GGACT: variants seen among roughly 807,000 people sequenced by gnomAD.
GGACT encodes the protein gamma-glutamylamine cyclotransferase, also known as gamma-glutamylaminecyclotransferase.
For missense variants in GGACT, 241 were observed against 233.2 expected (o/e 1.03, Z -0.22); for synonymous variants, 118 against 115.3 (o/e 1.02, Z -0.15).
intron 2 of GGACT, among the ~76,000 whole-genome samples, chr13:100,562,715 G>C (rs190715881): frequency 1.3e-5 from 2 of 151,410 alleles, no homozygotes; most frequent in Non-Finnish European, 2.9e-5. Flanking sequence ...AGAATCACTT[G>C]AACCCAGGAG....
chr13:100,575,805 A>G (rs1179402118), intron 2 of GGACT, among the ~76,000 whole-genome samples: 1 of 152,186 alleles, frequency 6.6e-6, no homozygotes, highest in Non-Finnish European at 1.5e-5. Flanking sequence ...CTACAGTTAA[A>G]GGGCATTCAA....
chr13:100,583,301 G>A (rs1875470753), intron 2 of GGACT, among the ~76,000 whole-genome samples: 1 of 152,152 alleles, frequency 6.6e-6, no homozygotes, highest in South Asian at 2.1e-4. Context: ...ATAAAGGGGA[G>A]ATCGATATTT....
At chr13:100,586,835 G>A (rs1875592653) in intron 1 of GGACT, 1 of 152,286 alleles carries the variant, frequency 6.6e-6, no homozygotes, top group Non-Finnish European at 1.5e-5. Flanking sequence ...GTATCACGAT[G>A]CCTTTTACGG....
intron 1 of GGACT, among the ~76,000 whole-genome samples, chr13:100,585,229 C>G (rs1001758202): frequency 1.2e-4 from 19 of 152,236 alleles, no homozygotes; most frequent in Admixed American, 2.0e-4. Context: ...CTGCTCTAGA[C>G]TTGGGTCGGC....
At chr13:100,551,792 ATGATTATACT>A (rs1456727556) in intron 2 of GGACT, among the ~76,000 whole-genome samples, 2 of 152,218 alleles carry the variant, frequency 1.3e-5, no homozygotes, top group African/African-American at 4.8e-5. Context: ...TAATATAACA[ATGATTATACT>A]TATTTTCAGG....
intron 2 of GGACT, among the ~76,000 whole-genome samples, chr13:100,546,310 C>G (rs919968342): frequency 7.0e-6 from 1 of 142,772 alleles, no homozygotes; most frequent in Admixed American, 7.4e-5. Flanking sequence ...TGCAGTAAGC[C>G]GAGATGGCGC....
chr13:100,582,851 A>G (rs1396051725), intron 2 of GGACT, among the ~76,000 whole-genome samples: 1 of 152,202 alleles, frequency 6.6e-6, no homozygotes, highest in Non-Finnish European at 1.5e-5. Flanking sequence ...CCATGATGCT[A>G]ATATTTGTCT....
chr13:100,541,695 C>T (rs977109183), intron 2 of GGACT: 6 of 152,066 alleles, frequency 3.9e-5, no homozygotes, highest in East Asian at 1.9e-4. Flanking sequence ...GGTGATATTA[C>T]GTAGAAATGA....
intron 2 of GGACT, among the ~76,000 whole-genome samples, chr13:100,565,557 G>A (rs2088803354): frequency 6.6e-6 from 1 of 152,150 alleles, no homozygotes; most frequent in African/African-American, 2.4e-5. Context: ...GCAGAAGCTG[G>A]TTTCTAACCA....
intron 2 of GGACT, among the ~76,000 whole-genome samples, chr13:100,577,334 T>C (rs1875276704): frequency 6.6e-6 from 1 of 151,738 alleles, no homozygotes; most frequent in Non-Finnish European, 1.5e-5. Context: ...GAGAATCACT[T>C]GAACCCAAGA....
chr13:100,565,162 T>C (rs923520505), intron 2 of GGACT, among the ~76,000 whole-genome samples: 3 of 152,206 alleles, frequency 2.0e-5, no homozygotes, highest in African/African-American at 7.2e-5. Context: ...TTAGAGCGGC[T>C]TGGTGAGATG....
chr13:100,574,865 A>G (rs953733151), intron 2 of GGACT, among the ~76,000 whole-genome samples: 3 of 151,996 alleles, frequency 2.0e-5, no homozygotes, highest in African/African-American at 7.3e-5. Context: ...TATAAATCAT[A>G]CTTATGTGTA....
At chr13:100,560,944 C>T (rs2088753917) in intron 2 of GGACT, among the ~76,000 whole-genome samples, 1 of 152,194 alleles carries the variant, frequency 6.6e-6, no homozygotes, top group Non-Finnish European at 1.5e-5. Context: ...CTGCGCACCC[C>T]GCATCTCCTC....
chr13:100,587,991 A>C (rs1041588809), intron 1 of GGACT, among the ~76,000 whole-genome samples: 1 of 152,190 alleles, frequency 6.6e-6, no homozygotes, highest in Non-Finnish European at 1.5e-5. Flanking sequence ...GCGCCACTGC[A>C]CTCCAGCCTG....
intron 2 of GGACT, among the ~76,000 whole-genome samples, chr13:100,552,801 C>T (rs1358951530): frequency 1.3e-5 from 2 of 152,134 alleles, no homozygotes; most frequent in African/African-American, 2.4e-5. Flanking sequence ...AGTCCTTGTT[C>T]GTAAAAAGCT....
intron 2 of GGACT, among the ~76,000 whole-genome samples, chr13:100,542,343 C>G (rs1594184852): frequency 1.3e-5 from 2 of 152,150 alleles, no homozygotes; most frequent in East Asian, 3.9e-4. Context: ...TTGGGGAGAG[C>G]ACGGTTTGTG....
chr13:100,574,995 A>G (rs557606182), intron 2 of GGACT, among the ~76,000 whole-genome samples: 8 of 152,298 alleles, frequency 5.3e-5, no homozygotes, highest in African/African-American at 1.7e-4. Flanking sequence ...GTCTGTCCTC[A>G]GTCTTCCTTT....
At chr13:100,579,291 G>A (rs771015404) in intron 2 of GGACT, among the ~76,000 whole-genome samples, 2 of 152,158 alleles carry the variant, frequency 1.3e-5, no homozygotes, top group South Asian at 2.1e-4. Context: ...CCCAGGGTAC[G>A]GAGGCAGGAG....
intron 2 of GGACT, chr13:100,540,264 C>A: frequency 8.3e-7 from 1 of 1,205,650 alleles, no homozygotes; most frequent in Non-Finnish European, 1.2e-6. Flanking sequence ...AGGCACGGAC[C>A]GGAGAGAGAG....
Sources: allele counts gnomAD v4.1 joint callset (sites outside exome capture counted in the v4.1 genomes callset), GRCh38; gene constraint gnomAD v4.1.1; transcripts MANE v1.5; gene names NCBI Gene and HGNC (gene_info 2026-07-23, HGNC 2026-07-21).